RAB3GAP2: variants seen among roughly 807,000 people sequenced by gnomAD.
RAB3GAP2 encodes the protein RAB3 GTPase activating non-catalytic protein subunit 2, also known as rab3 GTPase-activating protein non-catalytic subunit.
A neutral mutation model predicts 185.3 loss-of-function variants in RAB3GAP2; 87 were observed. The ratio of observed to expected loss-of-function variants is 0.47; its 90% CI spans 0.39 to 0.56. The LOEUF is 0.56. RAB3GAP2 is among the 20% of genes least tolerant of loss of function. The pLI is 0.00. For synonymous variants in RAB3GAP2, 554 were observed against 576.1 expected (o/e 0.96, Z 0.55); for missense variants, 1,492 against 1,638.2 (o/e 0.91, Z 1.54).
Position 220,150,944 on chromosome 1 carries a change from C to A in RAB3GAP2, c.*307G>T. 3 of 319,870 alleles carry A rather than the reference C, an allele frequency of 9.4e-6. No homozygotes were observed. Among genetic ancestry groups the A allele is most frequent in the Non-Finnish European group, 1.1e-5 (2 of 173,970 alleles). The allele number at this position is 319,870 out of a possible 1,614,324, so 19.8% of individuals were successfully genotyped here. Reference sequence around the variant, plus strand: ...TATAAGAACATAATCTAAATTATAACCAATTTTAAATAGCAAAGTTTAACA... The same window carrying A: ...TATAAGAACATAATCTAAATTATAAACAATTTTAAATAGCAAAGTTTAACA... On this transcript the variant is annotated 3_prime_UTR_variant, in exon 35 of 35. Transcript: ENST00000358951.
Position 220,266,991 on chromosome 1 carries a change from C to T in RAB3GAP2, c.115+5232G>A, listed in dbSNP as rs962968865. On this transcript the variant is annotated intron_variant, in intron 1 of 34. Coordinates refer to ENST00000358951, the MANE Select transcript of RAB3GAP2 (RefSeq NM_012414.4). ...GAACTCCAAGGCTCCAGAGATCCACCTTCTCATCATGCATCCGACCTTCAA... is the reference window on the plus strand; with the variant it reads ...GAACTCCAAGGCTCCAGAGATCCACTTTCTCATCATGCATCCGACCTTCAA... 26 of 1,611,042 alleles carry T rather than the reference C, an allele frequency of 1.6e-5. No homozygotes were observed. In the African/African-American group the frequency reaches 3.5e-4, roughly 22 times the overall value.
At chr1:220,182,556 C>T (rs572801246) in intron 20 of RAB3GAP2, among the ~76,000 whole-genome samples, 162 bp downstream of exon 20, 5 of 152,176 alleles carry the variant, frequency 3.3e-5, no homozygotes, top group Admixed American at 2.6e-4. Context: ...TTAATACAAC[C>T]TGTTGACCAG....
intron 7 of RAB3GAP2, among the ~76,000 whole-genome samples, chr1:220,206,480 AT>A (rs1236535396): frequency 6.6e-6 from 1 of 152,158 alleles, no homozygotes; most frequent in Non-Finnish European, 1.5e-5. Flanking sequence ...TGAACAAATC[AT>A]TTTTTGTTGT....
intron 21 of RAB3GAP2, 110 bp downstream of exon 21, chr1:220,182,147 G>A: frequency 6.5e-7 from 1 of 1,540,332 alleles, no homozygotes; most frequent in Non-Finnish European, 8.7e-7. Flanking sequence ...AAGTTTTCAT[G>A]GACATTCTGT....
chr1:220,185,791 G>GT (rs754884798), intron 17 of RAB3GAP2, 50 bp from the exon 18 acceptor site: 1 of 1,453,086 alleles, frequency 6.9e-7, no homozygotes, highest in South Asian at 1.2e-5. Flanking sequence ...CAGTGATTTT[G>GT]TTTTTTAAAT....
intron 2 of RAB3GAP2, among the ~76,000 whole-genome samples, chr1:220,223,135 C>T (rs575298004): frequency 1.4e-4 from 21 of 152,142 alleles, no homozygotes; most frequent in Admixed American, 6.5e-5. Context: ...GCAGCCTCTA[C>T]CTCCTGGGCT....
chr1:220,255,299 AAGAT>A (rs1312186843), intron 1 of RAB3GAP2, among the ~76,000 whole-genome samples: 1 of 152,196 alleles, frequency 6.6e-6, no homozygotes, highest in African/African-American at 2.4e-5. Context: ...TCAAAGACTG[AAGAT>A]AGATAGCCCC....
chr1:220,252,864 A>G (rs2102524552), intron 1 of RAB3GAP2, among the ~76,000 whole-genome samples: 1 of 152,240 alleles, frequency 6.6e-6, no homozygotes, highest in African/African-American at 2.4e-5. Context: ...ATCTGTCTGT[A>G]TATATCCCTA....
intron 18 of RAB3GAP2, 122 bp downstream of exon 18, chr1:220,185,529 A>G: frequency 1.5e-6 from 1 of 680,436 alleles, no homozygotes; most frequent in Non-Finnish European, 2.5e-6. Context: ...TTAATTTCTT[A>G]TATCTATATT....
intron 17 of RAB3GAP2, among the ~76,000 whole-genome samples, chr1:220,187,866 C>T (rs531721121): frequency 5.3e-5 from 8 of 152,018 alleles, no homozygotes; most frequent in South Asian, 4.1e-4. Context: ...ATTCATCAAC[C>T]GCAAAGAGGG....
At chr1:220,164,072 A>G (rs148683760) in intron 27 of RAB3GAP2, among the ~76,000 whole-genome samples, 11 of 152,182 alleles carry the variant, frequency 7.2e-5, no homozygotes, top group Admixed American at 2.6e-4. Flanking sequence ...CAAGTTCAAT[A>G]TTTTTTCAAG....
At chr1:220,201,730 C>T (rs1658863862) in intron 9 of RAB3GAP2, among the ~76,000 whole-genome samples, 4 of 152,048 alleles carry the variant, frequency 2.6e-5, no homozygotes, top group Admixed American at 2.0e-4. Context: ...GAACTTCTGG[C>T]CTCATGTGAT....
chr1:220,207,528 A>G (rs764419841), intron 7 of RAB3GAP2: 13 of 152,086 alleles, frequency 8.5e-5, no homozygotes, highest in Non-Finnish European at 1.8e-4. Context: ...TCTCTTTTTA[A>G]AGAAGACTTC....
intron 13 of RAB3GAP2, among the ~76,000 whole-genome samples, chr1:220,191,960 C>G (rs544941283): frequency 2.6e-5 from 4 of 152,244 alleles, no homozygotes; most frequent in African/African-American, 9.6e-5. Flanking sequence ...GGAGGAAGCT[C>G]TTGCATGGGA....
intron 3 of RAB3GAP2, 61 bp downstream of exon 3, chr1:220,213,795 C>T (rs1659131745): frequency 6.6e-7 from 1 of 1,523,692 alleles, no homozygotes; most frequent in Non-Finnish European, 9.1e-7. Context: ...TTCACCTAAT[C>T]CATTTTCTCT....
At chr1:220,193,437 C>A in intron 12 of RAB3GAP2, 58 bp from the exon 13 acceptor site, 1 of 1,537,714 alleles carries the variant, frequency 6.5e-7, no homozygotes, top group Non-Finnish European at 8.9e-7. Context: ...AAACATATAA[C>A]AGAATAACGA....
rs751261121 is a variant in RAB3GAP2 at position 220,170,872 on chromosome 1, T to C, written c.2806+20A>G. On this transcript the variant is annotated intron_variant, in intron 24 of 34. Coordinates refer to ENST00000358951, the MANE Select transcript of RAB3GAP2 (RefSeq NM_012414.4). ...AACATAAAAAAATGGATGCAAATGCTCAAATAAACTTCAGCTTACCTTTTC... is the reference window on the plus strand; with the variant it reads ...AACATAAAAAAATGGATGCAAATGCCCAAATAAACTTCAGCTTACCTTTTC... 23 of 1,585,766 alleles carry C rather than the reference T, an allele frequency of 1.5e-5. No homozygotes were observed. In the East Asian group the frequency reaches 4.7e-4, roughly 32 times the overall value.
At chr1:220,207,313 A>G (rs1313959205) in intron 7 of RAB3GAP2, among the ~76,000 whole-genome samples, 1 of 152,208 alleles carries the variant, frequency 6.6e-6, no homozygotes, top group East Asian at 1.9e-4. Context: ...CCAACAATAC[A>G]TGAGAGTGAC....
intron 1 of RAB3GAP2, among the ~76,000 whole-genome samples, chr1:220,260,884 T>G (rs185211519): frequency 6.6e-6 from 1 of 152,314 alleles, no homozygotes; most frequent in Admixed American, 6.5e-5. Context: ...ACACTTCAAA[T>G]GTAGCCACTG....
Sources: gnomAD v4.1 joint callset for allele counts (sites outside exome capture counted in the v4.1 genomes callset) on GRCh38, gnomAD v4.1.1 for gene constraint, MANE v1.5 for transcripts, NCBI Gene and HGNC (gene_info 2026-07-23, HGNC 2026-07-21) for gene names.